PDLIM2: variants seen among roughly 807,000 people sequenced by gnomAD.
The protein encoded by PDLIM2 is PDZ and LIM domain 2, also known as PDZ and LIM domain protein 2.
In PDLIM2, 51 loss-of-function variants were observed where a neutral mutation model predicts 54.1. That is an observed-to-expected ratio of 0.94 (90% CI 0.75 to 1.19). The LOEUF (loss-of-function observed/expected upper bound fraction) is 1.19. Among genes scored for constraint, PDLIM2 ranks in the 50% most tolerant of loss-of-function variants. The pLI is 0.00. For synonymous variants in PDLIM2, 398 were observed against 385.6 expected (o/e 1.03, Z -0.38); for missense variants, 912 against 874.0 (o/e 1.04, Z -0.55).
intron 6 of PDLIM2, 54 bp from the exon 6 acceptor site, chr8:22,589,244 G>A: frequency 2.0e-6 from 3 of 1,521,770 alleles, no homozygotes; most frequent in South Asian, 2.4e-5. Context: ...CCTCCTGGGT[G>A]TGTTGGCCCA....
chr8:22,587,019 G>A (rs547596961), intron 6 of PDLIM2, among the ~76,000 whole-genome samples: 1 of 152,108 alleles, frequency 6.6e-6, no homozygotes, highest in Admixed American at 6.5e-5. Context: ...CAGACTAGAC[G>A]CTCTGAGTTC....
exon 9 of PDLIM2, chr8:22,591,587 C>T: frequency 1.2e-6 from 2 of 1,613,668 alleles, no homozygotes; most frequent in Non-Finnish European, 1.7e-6. Context: ...TCACTGAGCC[C>T]CCAGTCCTCC....
chr8:22,589,351 G>C, exon 7 of PDLIM2: 2 of 1,534,702 alleles, frequency 1.3e-6, no homozygotes, highest in South Asian at 1.2e-5. Flanking sequence ...CGCCTTCCCC[G>C]GGCCCTCGTT....
exon 8 of PDLIM2, chr8:22,589,739 G>T: frequency 6.4e-7 from 1 of 1,564,798 alleles, no homozygotes; most frequent in Admixed American, 1.9e-5. Context: ...GCTGAGGAGA[G>T]AGGTGAGGGT....
At chr8:22,594,681 A>G (rs757969245), downstream of PDLIM2, 52 of 1,593,416 alleles carry the variant, frequency 3.3e-5, no homozygotes, top group Non-Finnish European at 4.4e-5. Context: ...CCGGCCGCCC[A>G]CCAAGGGTTG....
intron 1 of PDLIM2, chr8:22,579,609 C>T (rs1800132516): frequency 2.2e-6 from 3 of 1,347,774 alleles, no homozygotes; most frequent in Admixed American, 3.7e-5. Context: ...TAGGCCTGGG[C>T]CCAAGGGGAA....
At chr8:22,581,677 T>C in intron 3 of PDLIM2, 147 bp downstream of exon 2, 1 of 1,146,782 alleles carries the variant, frequency 8.7e-7, no homozygotes, top group Non-Finnish European at 1.2e-6. Flanking sequence ...GAGAAGGTCC[T>C]GGGCTCTGCT....
chr8:22,597,058 G>A (rs1312744822), downstream of PDLIM2: 1 of 152,234 alleles, frequency 6.6e-6, no homozygotes, highest in African/African-American at 2.4e-5. Flanking sequence ...GCGCTCTGTA[G>A]GCTCTCAGCT....
At chr8:22,589,694 C>T (rs1195005718) in exon 8 of PDLIM2, 1 of 1,574,658 alleles carries the variant, frequency 6.4e-7, no homozygotes, top group Non-Finnish European at 8.6e-7. Context: ...CCCCGACAGT[C>T]CAGCTCCTTT....
chr8:22,584,484 A>G (rs1044496642), intron 3 of PDLIM2, among the ~76,000 whole-genome samples: 1 of 151,878 alleles, frequency 6.6e-6, no homozygotes, highest in Non-Finnish European at 1.5e-5. Context: ...ACTTAAAAAA[A>G]AATTTTAGTA....
chr8:22,579,121 G>GCT lies in PDLIM2; in HGVS notation c.346_347dup (p.Glu118GlnfsTer137), dbSNP rs1471400718. ...AGGCAGGTCCGGGAGCCCCGGGCGG[G>GCT]CTCTCCCCAGAGTCGGGTAGACGGC... On this transcript the variant is annotated frameshift_variant, in exon 1 of 10. Coordinates refer to ENST00000308354, the Ensembl canonical transcript of PDLIM2. LOFTEE classifies it high-confidence loss of function. 13 of 1,278,818 alleles carry GCT rather than the reference G, an allele frequency of 1.0e-5. No individual in the cohort carries two copies. Among genetic ancestry groups the GCT allele is most frequent in the Non-Finnish European group, 1.3e-5 (13 of 1,016,434 alleles). 79.2% of individuals were successfully genotyped at this position (1,278,818 alleles called of 1,614,324 possible).
Position 22,580,456 on chromosome 8 carries a change from C to A in PDLIM2, c.749-147C>A. Reference sequence around the variant, plus strand: ...GGCTGAGGGAGGGAGTTAGCCACTTCCTCTACCCACCCCAAAGCCCCTGAG... The same window carrying A: ...GGCTGAGGGAGGGAGTTAGCCACTTACTCTACCCACCCCAAAGCCCCTGAG... On this transcript the variant is annotated intron_variant, in intron 1 of 9. Transcript: ENST00000308354. The A allele has an allele frequency of 2.0e-6, 3 of 1,508,696 alleles. No homozygotes were observed. The highest frequency in any genetic ancestry group is 2.5e-5 in the East Asian group (1 of 40,630). 93.5% of individuals were successfully genotyped at this position (1,508,696 alleles called of 1,614,324 possible).
Position 22,589,108 on chromosome 8 carries a change from G to C in PDLIM2, c.1291-190G>C, listed in dbSNP as rs944707170. 148 of 505,704 alleles carry C rather than the reference G, an allele frequency of 2.9e-4. 1 individual carries two copies. Among genetic ancestry groups the C allele is most frequent in the Middle Eastern group, 4.8e-4 (1 of 2,066 alleles). The allele number at this position is 505,704 out of a possible 1,614,324, so 31.3% of individuals were successfully genotyped here. On this transcript the variant is annotated intron_variant, in intron 6 of 9. Coordinates refer to ENST00000308354, the Ensembl canonical transcript of PDLIM2. ...CCCTGGCTCCGAGGGAAGGGGCAGG[G>C]GGCCCGCTGGTCGGCGAGGGCTGGG...
At chr8:22,581,565 C>A (rs778886427) in intron 3 of PDLIM2, 35 bp downstream of exon 2, 23 of 1,534,450 alleles carry the variant, frequency 1.5e-5, no homozygotes, top group East Asian at 2.3e-5. Flanking sequence ...CTGTGGCATT[C>A]CCCCTCCTCC....
intron 2 of PDLIM2, 45 bp downstream of exon 1, chr8:22,580,742 G>A (rs767889009): frequency 7.5e-6 from 12 of 1,595,626 alleles, no homozygotes; most frequent in African/African-American, 5.4e-5. Context: ...TGCCAGAAGC[G>A]AGGTCGGCCC....
At chr8:22,579,302 C>G in exon 1 of PDLIM2, 1 of 1,401,698 alleles carries the variant, frequency 7.1e-7, no homozygotes, top group South Asian at 1.5e-5. Context: ...CCTGTCGGCG[C>G]GGAACCCTGG....
intron 2 of PDLIM2, 179 bp from the exon 2 acceptor site, chr8:22,581,200 A>C: frequency 2.7e-6 from 2 of 753,528 alleles, no homozygotes; most frequent in Non-Finnish European, 4.4e-6. Flanking sequence ...GGGGGCTGCC[A>C]CCTGCGCTCC....
intron 2 of PDLIM2, 53 bp downstream of exon 1, chr8:22,580,750 C>A: frequency 6.5e-7 from 1 of 1,545,940 alleles, no homozygotes; most frequent in Non-Finnish European, 8.9e-7. Flanking sequence ...GCGAGGTCGG[C>A]CCTGTTCACC....
chr8:22,582,673 C>G (rs911481611), intron 3 of PDLIM2, among the ~76,000 whole-genome samples: 1 of 151,270 alleles, frequency 6.6e-6, no homozygotes, highest in African/African-American at 2.4e-5. Flanking sequence ...CCTCTGCCTC[C>G]CGGGTTCAAG....
Sources: allele counts gnomAD v4.1 joint callset (sites outside exome capture counted in the v4.1 genomes callset), GRCh38; gene constraint gnomAD v4.1.1; transcripts MANE v1.5; gene names NCBI Gene and HGNC (gene_info 2026-07-23, HGNC 2026-07-21).